The following FRMD4A variants were observed in gnomAD, a reference collection of about 807,000 sequenced individuals.
The protein encoded by FRMD4A is FERM domain-containing protein 4A.
Under a neutral mutation model 129.1 loss-of-function variants are expected in FRMD4A, and 29 were observed. The ratio of observed to expected loss-of-function variants is 0.22; its 90% CI spans 0.17 to 0.31. The LOEUF (loss-of-function observed/expected upper bound fraction) is 0.31, where lower values mean the gene tolerates loss of function less well. Among genes scored for constraint, FRMD4A ranks in the 10% least tolerant of loss-of-function variants. FRMD4A has a pLI of 1.00. For synonymous variants in FRMD4A, 634 were observed against 571.6 expected (o/e 1.11, Z -1.56); for missense variants, 1,272 against 1,375.8 (o/e 0.92, Z 1.19).
intron 2 of FRMD4A, among the ~76,000 whole-genome samples, chr10:14,112,768 C>T (rs775715641): frequency 4.6e-5 from 7 of 152,284 alleles, no homozygotes; most frequent in South Asian, 2.1e-4. Flanking sequence ...TCAGGTGATC[C>T]GCCTTCCTCG....
At chr10:13,999,434 G>C (rs2095634038) in intron 2 of FRMD4A, among the ~76,000 whole-genome samples, 2 of 152,166 alleles carry the variant, frequency 1.3e-5, no homozygotes, top group Admixed American at 6.5e-5. Flanking sequence ...GACTGATTCT[G>C]TGTGGTTGGA....
chr10:14,307,782 G>A (rs894538539), intron 2 of FRMD4A, among the ~76,000 whole-genome samples: 3 of 152,118 alleles, frequency 2.0e-5, no homozygotes, highest in Non-Finnish European at 2.9e-5. Context: ...CTCCACGAAC[G>A]ATAAGGGAAT....
chr10:13,700,820 C>CTTATTTTTTTT (rs2086744231), intron 14 of FRMD4A, among the ~76,000 whole-genome samples: 1 of 44,714 alleles, frequency 2.2e-5, no homozygotes, highest in Non-Finnish European at 3.8e-5. Flanking sequence ...AGGGTAGTTG[C>CTTATTTTTTTT]TTTTTTTTTT....
intron 2 of FRMD4A, among the ~76,000 whole-genome samples, chr10:14,014,144 C>T (rs1201784990): frequency 6.6e-6 from 1 of 151,996 alleles, no homozygotes; most frequent in Non-Finnish European, 1.5e-5. Context: ...AGCCATCACC[C>T]GAACCTGCCC....
chr10:13,899,868 AC>A lies in FRMD4A; in HGVS notation c.46-40957del, dbSNP rs2094799768. ...ATTAACTGTGGATGGAGTCCCAGTT[AC>A]AGCGGAAGACACCTGGGAATTGATA... On this transcript the variant is annotated intron_variant, in intron 2 of 24. Transcript: ENST00000357447. Among the ~76,000 whole-genome samples the A allele has an allele frequency of 2.6e-5, 4 of 152,354 alleles. No homozygotes were observed. The South Asian group carries it at 8.3e-4, about 32-fold the overall frequency.
At position 14,258,899 on chromosome 10, in the gene FRMD4A, C is replaced by T. The variant is rs184798503; in HGVS notation, c.45+71159G>A. On this transcript the variant is annotated intron_variant, in intron 2 of 24. Coordinates refer to ENST00000357447, the MANE Select transcript of FRMD4A (RefSeq NM_018027.5). ...AATTATGCTGAATGAAAGAAGTCAG[C>T]AAAAAAGAGTACATGTTGCATGAAT... Among the ~76,000 whole-genome samples, 16 of 151,750 alleles carry T rather than the reference C, an allele frequency of 1.1e-4. No homozygotes were observed. The East Asian group carries it at 2.1e-3, about 20-fold the overall frequency.
chr10:14,109,841 G>A (rs1322243396), intron 2 of FRMD4A, among the ~76,000 whole-genome samples: 4 of 151,596 alleles, frequency 2.6e-5, no homozygotes, highest in African/African-American at 7.3e-5. Context: ...GTGTGGTGGC[G>A]GGCGCCTGTA....
At chr10:13,664,141 T>G (rs1258047660) in intron 18 of FRMD4A, among the ~76,000 whole-genome samples, 1 of 152,166 alleles carries the variant, frequency 6.6e-6, no homozygotes. Context: ...GAAGAGTGGT[T>G]TGTCCGAGGT....
rs1050151308 is a variant in FRMD4A, at chr10:13,845,033, G to A, written c.111+13814C>T. On this transcript the variant is annotated intron_variant, in intron 3 of 24. Transcript: ENST00000357447. ...AGATCAAAACCAATATGATCCATTC[G>A]GATATAGTTGTGCTTCAGTATCATT... 5.9e-5 allele frequency among the ~76,000 whole-genome samples: 9 copies of A among 152,240 alleles called. No individual in the cohort carries two copies. The East Asian group carries it at 1.2e-3, about 20-fold the overall frequency.
At chr10:13,886,081 T>A (rs1471929267) in intron 2 of FRMD4A, among the ~76,000 whole-genome samples, 2 of 152,190 alleles carry the variant, frequency 1.3e-5, no homozygotes, top group Non-Finnish European at 2.9e-5. Context: ...TTGGGTTTTA[T>A]CACATCTATA....
At chr10:13,715,863 T>A (rs1266095847) in intron 12 of FRMD4A, among the ~76,000 whole-genome samples, 3 of 145,656 alleles carry the variant, frequency 2.1e-5, no homozygotes, top group Non-Finnish European at 4.5e-5. Flanking sequence ...CAGAGACGTG[T>A]CACTGCCCTC....
chr10:14,138,252 T>A (rs553704045), intron 2 of FRMD4A, among the ~76,000 whole-genome samples: 1 of 152,306 alleles, frequency 6.6e-6, no homozygotes, highest in South Asian at 2.1e-4. Context: ...AGACCTGCCT[T>A]TGCTCTCAAG....
chr10:13,724,441 A>G (rs2089728740), intron 12 of FRMD4A, among the ~76,000 whole-genome samples: 1 of 151,912 alleles, frequency 6.6e-6, no homozygotes, highest in African/African-American at 2.4e-5. Flanking sequence ...TGTTCTTATT[A>G]TCCTAGCAAA....
At chr10:14,205,947 G>C (rs575733304) in intron 2 of FRMD4A, among the ~76,000 whole-genome samples, 2 of 151,984 alleles carry the variant, frequency 1.3e-5, no homozygotes, top group Admixed American at 1.3e-4. Flanking sequence ...GTCGTGGTAT[G>C]AGCCTCATTT....
chr10:13,995,172 A>G (rs1588705243), intron 2 of FRMD4A, among the ~76,000 whole-genome samples: 1 of 152,224 alleles, frequency 6.6e-6, no homozygotes, highest in South Asian at 2.1e-4. Flanking sequence ...GACAGAAGAA[A>G]AAAGGAAGTC....
intron 2 of FRMD4A, among the ~76,000 whole-genome samples, chr10:14,004,603 C>G (rs938175800): frequency 2.6e-5 from 4 of 152,078 alleles, no homozygotes. Flanking sequence ...CAAAGACAGG[C>G]AATCTTAAAA....
At chr10:14,290,085 C>G (rs1478978261) in intron 2 of FRMD4A, among the ~76,000 whole-genome samples, 1 of 151,900 alleles carries the variant, frequency 6.6e-6, no homozygotes, top group African/African-American at 2.4e-5. Flanking sequence ...AACTACAAAT[C>G]AAGATACAGG....
intron 2 of FRMD4A, among the ~76,000 whole-genome samples, chr10:14,185,505 AT>A (rs1421398413): frequency 6.6e-6 from 1 of 152,138 alleles, no homozygotes; most frequent in Non-Finnish European, 1.5e-5. Context: ...AACTTCAAGT[AT>A]TTTTTGGAGG....
intron 15 of FRMD4A, among the ~76,000 whole-genome samples, chr10:13,691,364 AGCT>A (rs1479313084): frequency 1.3e-5 from 2 of 152,146 alleles, no homozygotes; most frequent in African/African-American, 2.4e-5. Context: ...CCTCATCTAT[AGCT>A]GCTATTAAGG....
Sources: allele counts gnomAD v4.1 joint callset (sites outside exome capture counted in the v4.1 genomes callset), GRCh38; gene constraint gnomAD v4.1.1; transcripts MANE v1.5; gene names NCBI Gene and HGNC (gene_info 2026-07-23, HGNC 2026-07-21).